TECR: variants seen among roughly 807,000 people sequenced by gnomAD.
TECR encodes trans-2,3-enoyl-CoA reductase, also known as very-long-chain enoyl-CoA reductase.
In TECR, 19 loss-of-function variants were observed where a neutral mutation model predicts 50.6. The ratio of observed to expected loss-of-function variants is 0.38; its 90% confidence interval spans 0.26 to 0.55. The LOEUF is 0.55. TECR is among the 20% of genes least tolerant of loss of function. The probability of loss-of-function intolerance (pLI) is 0.79; values close to 1 mark genes in which losing one functional copy is unlikely to be tolerated. For synonymous variants in TECR, 168 were observed against 163.5 expected, an observed-to-expected ratio of 1.03 and a Z score of -0.21; for missense variants, 313 against 408.3, an observed-to-expected ratio of 0.77 and a Z score of 2.01.
Position 14,565,655 on chromosome 19 carries a change from G to A in TECR, c.791G>A (p.Cys264Tyr). 1 of 1,612,498 alleles carries A rather than the reference G, an allele frequency of 6.2e-7. No homozygotes were observed. ...ATCGGTTTCGCCATCATGACGCAGTGTCTCCCAGGTGAGCCTGCCGCCCTC... is the reference window on the plus strand; with the variant it reads ...ATCGGTTTCGCCATCATGACGCAGTATCTCCCAGGTGAGCCTGCCGCCCTC... ...SWIGFAIMTQ[C>Y]LPVALFSLVG... is the part of the protein sequence containing the mutation. Residue 264 changes from cysteine (C) to tyrosine (Y), a missense_variant, in exon 12 of 13, where the codon TGT becomes TAT. Transcript: ENST00000215567.
Position 14,563,594 on chromosome 19 carries a change from C to A in TECR, c.119-64C>A, listed in dbSNP as rs1474884736. ...GAACCCTGAGAAGCTGGCACAGTGG[C>A]TGGGCAGCGGACCGGCTGAGCCCTG... On this transcript the variant is annotated intron_variant, in intron 3 of 12. Transcript: ENST00000215567. This position sits in a 1 kb window ranked among gnomAD's most constrained non-coding sequence, Gnocchi z 5.3. The A allele has an allele frequency of 6.2e-7, 1 of 1,604,178 alleles. No homozygotes were observed. Among genetic ancestry groups the A allele is most frequent in the Admixed American group, 1.7e-5 (1 of 59,922 alleles).
intron 1 of TECR, among the ~76,000 whole-genome samples, chr19:14,547,931 C>T (rs2073360688): frequency 6.6e-6 from 1 of 151,142 alleles, no homozygotes; most frequent in Non-Finnish European, 1.5e-5. Flanking sequence ...CTGCCTTGGC[C>T]TCCCAACCAT....
At chr19:14,557,209 A>G (rs2073761833) in intron 1 of TECR, among the ~76,000 whole-genome samples, 1 of 151,650 alleles carries the variant, frequency 6.6e-6, no homozygotes, top group South Asian at 2.1e-4. Flanking sequence ...GCATAAACTC[A>G]GCTCACTGCA....
In TECR at chr19:14,565,269, C is replaced by G; in HGVS notation, c.732C>G (p.Ser244=). ...TCACGTGGCTCTTCCTGCTGGTGTC[C>G]TGCCCCAACTACACCTACGAGGTGA... ...NPFTWLFLLV[S]CPNYTYEVGS... Residue 244 remains serine, a synonymous_variant, in exon 11 of 13, where the codon TCC becomes TCG. Coordinates refer to ENST00000215567, the MANE Select transcript of TECR (RefSeq NM_138501.6). 6.2e-7 allele frequency: 1 copy of G among 1,613,672 alleles called. No homozygotes were observed. The highest frequency in any genetic ancestry group is 8.5e-7 in the Non-Finnish European group (1 of 1,179,978).
intron 1 of TECR, among the ~76,000 whole-genome samples, chr19:14,536,421 C>G (rs1176829353): frequency 2.6e-5 from 4 of 152,034 alleles, no homozygotes; most frequent in Admixed American, 1.3e-4. Context: ...AGGCGCCCAC[C>G]ACCACGCCCG....
At position 14,550,873 on chromosome 19, in the gene TECR, T is replaced by C. The variant is rs146733010; in HGVS notation, c.16-11652T>C. On this transcript the variant is annotated intron_variant, in intron 1 of 12. Transcript: ENST00000215567. ...TTTTTGTAGAGACAGGGTTTCACCA[T>C]GTTAGCCAGGCTGGTGTCGAACTCC... 2.5e-4 allele frequency among the ~76,000 whole-genome samples: 38 copies of C among 152,046 alleles called. No homozygotes were observed. In the East Asian group the frequency reaches 6.0e-3, roughly 24 times the overall value.
At chr19:14,558,883 C>G (rs1487069847) in intron 1 of TECR, among the ~76,000 whole-genome samples, 1 of 152,228 alleles carries the variant, frequency 6.6e-6, no homozygotes, top group Admixed American at 6.5e-5. Flanking sequence ...TGCTCAGGAT[C>G]CCCTGCCTGG....
At chr19:14,538,249 AGT>A (rs1265765901) in intron 1 of TECR, among the ~76,000 whole-genome samples, 1 of 152,132 alleles carries the variant, frequency 6.6e-6, no homozygotes. Flanking sequence ...GAAAGAATCA[AGT>A]GTGTGGTGGT....
At chr19:14,529,109 C>T (rs543501674), upstream of TECR, 5 of 163,690 alleles carry the variant, frequency 3.1e-5, no homozygotes, top group Admixed American at 2.9e-4. Flanking sequence ...ACTCAAGAGT[C>T]TCCTCCCATA....
chr19:14,543,563 C>T (rs1250961845), intron 1 of TECR, among the ~76,000 whole-genome samples: 2 of 144,520 alleles, frequency 1.4e-5, no homozygotes, highest in Non-Finnish European at 3.0e-5. Flanking sequence ...CTCAGCCTCC[C>T]GAGTAGCTGG....
rs777626678 is a variant in TECR at position 14,563,134 on chromosome 19, C to T, written c.67-72C>T. ...CAGCCCAACCCCCAGCCTGCCATCC[C>T]CTTTAGTACCTCCCCATCCTGAGTC... On this transcript the variant is annotated intron_variant, in intron 2 of 12. Transcript: ENST00000215567. This position sits in a 1 kb window ranked among gnomAD's most constrained non-coding sequence, Gnocchi z 5.3. The T allele has an allele frequency of 6.8e-5, 109 of 1,609,714 alleles. 1 individual carries two copies. The highest frequency in any genetic ancestry group is 4.0e-5 in the Non-Finnish European group (47 of 1,177,048).
rs2073986476 is a variant in TECR, at chr19:14,564,115, G to A, written c.383+18G>A. On this transcript the variant is annotated intron_variant, in intron 6 of 12. Coordinates refer to ENST00000215567, the MANE Select transcript of TECR (RefSeq NM_138501.6). The stretch of plus-strand genomic sequence containing the variant: ...GTGGTGCAGTAAGTGGGGCAGGTGG[G>A]AGGAGGGTAGGGGAAGGCAGAAGAC... The A allele has an allele frequency of 1.2e-6, 2 of 1,609,356 alleles. No individual in the cohort carries two copies. Among genetic ancestry groups the A allele is most frequent in the African/African-American group, 1.3e-5 (1 of 74,968 alleles).
intron 1 of TECR, among the ~76,000 whole-genome samples, chr19:14,557,437 C>T (rs1043651825): frequency 2.0e-5 from 3 of 148,244 alleles, no homozygotes; most frequent in Non-Finnish European, 3.0e-5. Context: ...CATAGTGCCC[C>T]GCCTAATCAT....
chr19:14,541,123 G>A (rs1160808483), intron 1 of TECR, among the ~76,000 whole-genome samples: 1 of 152,076 alleles, frequency 6.6e-6, no homozygotes, highest in African/African-American at 2.4e-5. Context: ...ACTGTTCCCG[G>A]CCAGTGCCTG....
intron 7 of TECR, 108 bp from the exon 8 acceptor site, chr19:14,564,678 C>T: frequency 8.0e-7 from 1 of 1,253,508 alleles, no homozygotes; most frequent in Non-Finnish European, 1.2e-6. Context: ...CCCAAGGCCC[C>T]TCCTGTCCTT....
rs1378564126 is a variant in TECR at position 14,565,211 on chromosome 19, C to T, written c.674C>T (p.Thr225Met). The T allele has an allele frequency of 2.5e-6, 4 of 1,614,018 alleles. No individual in the cohort carries two copies. The highest frequency in any genetic ancestry group is 3.3e-5 in the Admixed American group (2 of 60,026). ...LRDLRPAGSK[T>M]RKIPYPTKNP... ...CTGTCCTGCCTGCCAGGGTCCAAGA[C>T]GCGGAAGATCCCATACCCCACCAAG... Residue 225 changes from threonine (T) to methionine (M), a missense_variant, in exon 11 of 13, where the codon ACG (threonine) becomes ATG (methionine). Physicochemically the swap from Thr to Met is moderately conservative, Grantham distance 81 (BLOSUM62 -1). Transcript: ENST00000215567.
At position 14,564,021 on chromosome 19, in the gene TECR, C is replaced by G. The variant is rs773934673; in HGVS notation, c.307C>G (p.Leu103Val). 1.2e-6 allele frequency: 2 copies of G among 1,613,950 alleles called. No homozygotes were observed. The highest frequency in any genetic ancestry group is 1.7e-6 in the Non-Finnish European group (2 of 1,179,980). The change falls in exon 6 of 13, where the codon CTG (leucine) becomes GTG (valine). Residue 103 changes from leucine (L) to valine (V), a missense_variant. By Grantham distance (32) the Leu-to-Val change is conservative (BLOSUM62 1). Transcript: ENST00000215567. ...TEYAGPLFIY[L>V]LFYFRVPFIY... is the part of the protein sequence containing the mutation. ...GTACGCGGGGCCCCTTTTCATCTAC[C>G]TGCTCTTCTACTTCCGAGTGCCCTT...
chr19:14,543,432 TTTTTTTTTTTTTTTTTTTTTTTTTG>T (rs1568406139), intron 1 of TECR, among the ~76,000 whole-genome samples: 1 of 29,074 alleles, frequency 3.4e-5, no homozygotes, highest in African/African-American at 1.1e-4. Flanking sequence ...TTTTTTTTTT[TTTTTTTTTTTTTTTTTTTTTTTTTG>T]AGACGGAGTC....
At chr19:14,553,230 C>T (rs2073600023) in intron 1 of TECR, among the ~76,000 whole-genome samples, 1 of 152,304 alleles carries the variant, frequency 6.6e-6, no homozygotes, top group Admixed American at 6.5e-5. Context: ...GCTCCAGCTT[C>T]TCCGGGTCCC....
Sources: gnomAD v4.1 joint callset for allele counts (sites outside exome capture counted in the v4.1 genomes callset) on GRCh38, gnomAD v4.1.1 for gene constraint, Gnocchi (gnomAD v3.1) non-coding constraint, MANE v1.5 for transcripts, NCBI Gene and HGNC (gene_info 2026-07-23, HGNC 2026-07-21) for gene names.